RAP1GAP2: variants seen among roughly 807,000 people sequenced by gnomAD.
The protein encoded by RAP1GAP2 is RAP1 GTPase activating protein 2.
A neutral mutation model predicts 95.0 loss-of-function variants in RAP1GAP2; 27 were observed. That is an observed-to-expected ratio of 0.28 (90% CI 0.21 to 0.39). The LOEUF is 0.39. Among genes scored for constraint, RAP1GAP2 ranks in the 10% least tolerant of loss-of-function variants. RAP1GAP2 has a pLI of 1.00. For missense variants in RAP1GAP2, 771 were observed against 970.0 expected (o/e 0.79, Z 2.72); for synonymous variants, 373 against 380.9 (o/e 0.98, Z 0.24).
At chr17:2,872,143 G>A (rs2072871468) in intron 2 of RAP1GAP2, among the ~76,000 whole-genome samples, 1 of 144,856 alleles carries the variant, frequency 6.9e-6, no homozygotes, top group South Asian at 2.2e-4. Context: ...GAACCCAGAA[G>A]GTGGAGGTTG....
At chr17:2,778,959 G>T (rs2068573796) in intron 1 of RAP1GAP2, among the ~76,000 whole-genome samples, 2 of 152,242 alleles carry the variant, frequency 1.3e-5, no homozygotes, top group South Asian at 4.1e-4. Flanking sequence ...CCAGACAAGG[G>T]TGGCTCTGTG....
chr17:2,863,764 A>T (rs964432862), intron 2 of RAP1GAP2, among the ~76,000 whole-genome samples: 2 of 152,010 alleles, frequency 1.3e-5, no homozygotes, highest in Non-Finnish European at 2.9e-5. Flanking sequence ...GTCTAGTAAG[A>T]GTGGAGGTAG....
chr17:2,879,881 T>C (rs901889893), intron 2 of RAP1GAP2, among the ~76,000 whole-genome samples: 2 of 152,038 alleles, frequency 1.3e-5, no homozygotes, highest in Admixed American at 1.3e-4. Context: ...CTTGGAGAGT[T>C]TGGGGGGCTG....
chr17:3,026,951 A>G lies in RAP1GAP2; in HGVS notation c.1988A>G (p.Gln663Arg). The change falls in exon 22 of 25, where the codon CAG becomes CGG. Residue 663 changes from glutamine (Q) to arginine (R), a missense_variant. Transcript: ENST00000254695. ...AMEEGDSGGSQPSTTSPFKQE... is the reference protein window; with the variant it reads ...AMEEGDSGGSRPSTTSPFKQE... ...CCCTGCCTCTCTCCTCAGGGCAGCC[A>G]GCCGTCCACGACCTCACCCTTCAAG... 1 of 1,551,818 alleles carries G rather than the reference A, an allele frequency of 6.4e-7. No individual in the cohort carries two copies. The highest frequency in any genetic ancestry group is 8.7e-7 in the Non-Finnish European group (1 of 1,147,168).
chr17:2,813,834 G>T (rs1320474052), intron 2 of RAP1GAP2, among the ~76,000 whole-genome samples: 2 of 151,994 alleles, frequency 1.3e-5, no homozygotes, highest in Admixed American at 6.6e-5. Flanking sequence ...ATGGTGGCAC[G>T]TGCCTGTAAT....
intron 8 of RAP1GAP2, among the ~76,000 whole-genome samples, chr17:2,972,714 TAGC>T (rs545242789): frequency 2.7e-5 from 4 of 149,362 alleles, no homozygotes; most frequent in South Asian, 2.1e-4. Context: ...GTAAATAAAA[TAGC>T]AGCCCCAGAA....
chr17:2,859,663 T>C (rs554697710), intron 2 of RAP1GAP2, among the ~76,000 whole-genome samples: 6 of 152,186 alleles, frequency 3.9e-5, no homozygotes, highest in Non-Finnish European at 4.4e-5. Context: ...CTCGAACTCC[T>C]GGACTCAAGT....
In RAP1GAP2 at chr17:2,972,932, A is replaced by G. The variant is rs150284645; in HGVS notation, c.596+7289A>G. 1.8e-3 allele frequency among the ~76,000 whole-genome samples: 281 copies of G among 152,254 alleles called. 1 individual carries two copies. The highest frequency in any genetic ancestry group is 6.2e-3 in the African/African-American group (257 of 41,546). On this transcript the variant is annotated intron_variant, in intron 8 of 24. Transcript: ENST00000254695. The stretch of plus-strand genomic sequence containing the variant: ...CATAGAAGGCATTCAGTCCAAATGC[A>G]CTGCGTTTTAGAGATTCTTGTTTCT...
intron 14 of RAP1GAP2, among the ~76,000 whole-genome samples, chr17:3,002,743 C>T (rs1025786564): frequency 6.6e-6 from 1 of 152,158 alleles, no homozygotes; most frequent in African/African-American, 2.4e-5. Flanking sequence ...GGCCGGGCTG[C>T]CTGGGGTTCT....
At position 2,844,789 on chromosome 17, in the gene RAP1GAP2, AAG is replaced by A. The variant is rs1419047613; in HGVS notation, c.80+44242_80+44243del. The stretch of plus-strand genomic sequence containing the variant: ...CGGAAAGTCTTTGATTACACCCACA[AAG>A]AGGGGCATTTTCCCCTGGACCCAAC... On this transcript the variant is annotated intron_variant, in intron 2 of 24. Coordinates refer to ENST00000254695, the MANE Select transcript of RAP1GAP2 (RefSeq NM_015085.5). 3.9e-5 allele frequency among the ~76,000 whole-genome samples: 6 copies of A among 152,176 alleles called. No individual in the cohort carries two copies. The South Asian group carries it at 6.2e-4, about 16-fold the overall frequency.
intron 12 of RAP1GAP2, among the ~76,000 whole-genome samples, chr17:2,992,056 G>A (rs779119550): frequency 7.2e-5 from 11 of 152,120 alleles, no homozygotes; most frequent in African/African-American, 1.4e-4. Flanking sequence ...GTGAGCCGCC[G>A]CGCCTGGCCT....
At chr17:2,864,593 G>A (rs1339897603) in intron 2 of RAP1GAP2, among the ~76,000 whole-genome samples, 4 of 152,216 alleles carry the variant, frequency 2.6e-5, no homozygotes, top group Admixed American at 6.5e-5. Flanking sequence ...CGGGACGTAC[G>A]GTGTGGGGAG....
chr17:2,897,976 A>G (rs1384430124), intron 2 of RAP1GAP2, among the ~76,000 whole-genome samples: 4 of 147,436 alleles, frequency 2.7e-5, no homozygotes, highest in Non-Finnish European at 4.5e-5. Context: ...GCTGGAGTGC[A>G]GTGGCATGAT....
intron 2 of RAP1GAP2, among the ~76,000 whole-genome samples, chr17:2,886,017 G>C (rs1470668589): frequency 1.3e-5 from 2 of 152,062 alleles, no homozygotes; most frequent in East Asian, 3.9e-4. Context: ...TCCTGCTCTG[G>C]GTTGAGATGT....
At chr17:2,910,982 AGCCACT>A (rs1430721538) in intron 3 of RAP1GAP2, among the ~76,000 whole-genome samples, 8 of 152,210 alleles carry the variant, frequency 5.3e-5, no homozygotes, top group Non-Finnish European at 1.0e-4. Context: ...GACAGGCGTG[AGCCACT>A]GCACCTGGCC....
rs1399741274 is a variant in RAP1GAP2, at chr17:3,034,726, A to G, written c.*1365A>G. On this transcript the variant is annotated 3_prime_UTR_variant, in exon 25 of 25. Coordinates refer to ENST00000254695, the MANE Select transcript of RAP1GAP2 (RefSeq NM_015085.5). The surrounding 1 kb of genome is among the most constrained non-coding windows in gnomAD (Gnocchi z 5.1). ...TTGCTGGGACAGCCAGCTCACCTCC[A>G]AGGACATCCCCTCCTGGCTTCTCCC... 6.5e-6 allele frequency: 1 copy of G among 152,714 alleles called. No individual in the cohort carries two copies. Among genetic ancestry groups the G allele is most frequent in the Non-Finnish European group, 1.5e-5 (1 of 68,446 alleles). The allele number at this position is 152,714 out of a possible 1,614,324, so 9.5% of individuals were successfully genotyped here. A position where few individuals can be genotyped will look rare whatever the true frequency, so the allele number is the denominator to read the frequency against.
Position 2,796,704 on chromosome 17 carries a change from C to A in RAP1GAP2, c.44+133C>A. The A allele has an allele frequency of 9.7e-7, 1 of 1,028,530 alleles. No individual in the cohort carries two copies. 63.7% of individuals were successfully genotyped at this position (1,028,530 alleles called of 1,614,324 possible). The stretch of plus-strand genomic sequence containing the variant: ...AGAGCTGGGTCTGCTGACGCCCTGG[C>A]AGGTCGAGATGCAGGATCCTGGTGG... On this transcript the variant is annotated intron_variant, in intron 1 of 24. Transcript: ENST00000254695. This position sits in a 1 kb window ranked among gnomAD's most constrained non-coding sequence, Gnocchi z 4.7.
intron 2 of RAP1GAP2, among the ~76,000 whole-genome samples, chr17:2,874,368 G>T (rs1256290596): frequency 2.0e-5 from 3 of 152,142 alleles, no homozygotes; most frequent in Admixed American, 1.3e-4. Flanking sequence ...CTCTTATCTA[G>T]GGTAAGGTCT....
At chr17:3,011,814 A>G (rs1221729219) in intron 17 of RAP1GAP2, among the ~76,000 whole-genome samples, 1 of 151,790 alleles carries the variant, frequency 6.6e-6, no homozygotes, top group Non-Finnish European at 1.5e-5. Flanking sequence ...TAGGGACACC[A>G]TCTTGGTCAG....
Sources: allele counts gnomAD v4.1 joint callset (sites outside exome capture counted in the v4.1 genomes callset), GRCh38; gene constraint gnomAD v4.1.1; non-coding constraint Gnocchi (gnomAD v3.1); transcripts MANE v1.5; gene names NCBI Gene and HGNC (gene_info 2026-07-23, HGNC 2026-07-21).